ADGRG7: variants seen among roughly 807,000 people sequenced by gnomAD.
The protein encoded by ADGRG7 is G-protein coupled receptor 128.
Under a neutral mutation model 88.6 loss-of-function variants are expected in ADGRG7, and 82 were observed. That is an observed-to-expected ratio of 0.93 (90% CI 0.77 to 1.11). The LOEUF (loss-of-function observed/expected upper bound fraction) is 1.11, where lower values mean the gene tolerates loss of function less well. Among genes scored for constraint, ADGRG7 ranks in the 50% most tolerant of loss-of-function variants. The probability of loss-of-function intolerance (pLI) is 0.00; values close to 1 mark genes in which losing one functional copy is unlikely to be tolerated. For synonymous variants in ADGRG7, 381 were observed against 345.2 expected (o/e 1.10, Z -1.15); for missense variants, 945 against 953.4 (o/e 0.99, Z 0.12).
chr3:100,643,666 T>TA (rs1707686532), intron 8 of ADGRG7, 33 bp downstream of exon 8: 2 of 1,401,694 alleles, frequency 1.4e-6, no homozygotes, highest in African/African-American at 2.8e-5. Flanking sequence ...TTTAAAAAAA[T>TA]GGACTCGAAT....
intron 14 of ADGRG7, among the ~76,000 whole-genome samples, chr3:100,663,546 C>T (rs962403756): frequency 6.6e-5 from 10 of 152,032 alleles, no homozygotes; most frequent in African/African-American, 2.4e-4. Flanking sequence ...TAACTTTCTA[C>T]TGCTTGCTGA....
At chr3:100,683,571 G>A (rs554205554) in intron 15 of ADGRG7, among the ~76,000 whole-genome samples, 1 of 152,336 alleles carries the variant, frequency 6.6e-6, no homozygotes, top group East Asian at 1.9e-4. Flanking sequence ...CCCTGTGGCC[G>A]GACCCCATGC....
In ADGRG7 at chr3:100,637,262, A is replaced by G. The variant is rs973748522; in HGVS notation, c.598-40A>G. 4.8e-6 allele frequency: 6 copies of G among 1,254,640 alleles called. No individual in the cohort carries two copies. In the Middle Eastern group the frequency reaches 5.5e-4, roughly 116 times the overall value. 77.7% of individuals were successfully genotyped at this position (1,254,640 alleles called of 1,614,324 possible). A position where few individuals can be genotyped will look rare whatever the true frequency, so the allele number is the denominator to read the frequency against. Reference sequence around the variant, plus strand: ...ATAATGATGGTGATGATAATGTATGATATATGCTTCTCTGATGATCAGTAT... The same window carrying G: ...ATAATGATGGTGATGATAATGTATGGTATATGCTTCTCTGATGATCAGTAT... On this transcript the variant is annotated intron_variant, in intron 5 of 15. Coordinates refer to ENST00000273352, the MANE Select transcript of ADGRG7 (RefSeq NM_032787.3).
chr3:100,669,533 CAAAAAAAAAAA>C (rs59788369), intron 15 of ADGRG7, among the ~76,000 whole-genome samples: 2 of 66,574 alleles, frequency 3.0e-5, no homozygotes, highest in Admixed American at 2.0e-4. Flanking sequence ...GACTCCATCT[CAAAAAAAAAAA>C]AAAAAAAAAA....
chr3:100,655,034 A>G lies in ADGRG7; in HGVS notation c.1579A>G (p.Thr527Ala), dbSNP rs768770581. ...CATTAACATCCCGAATCCCATGTGCACTGCGATTGCCGCCTTACTGCACTA... is the reference window on the plus strand; with the variant it reads ...CATTAACATCCCGAATCCCATGTGCGCTGCGATTGCCGCCTTACTGCACTA... ...DTINIPNPMC[T>A]AIAALLHYFL... Residue 527 changes from threonine to alanine, a missense_variant, in exon 12 of 16, where the codon ACT becomes GCT. Coordinates refer to ENST00000273352, the MANE Select transcript of ADGRG7 (RefSeq NM_032787.3). The G allele has an allele frequency of 5.6e-6, 9 of 1,614,042 alleles. No homozygotes were observed. In the South Asian group the frequency reaches 8.8e-5, roughly 16 times the overall value.
At chr3:100,669,683 C>T (rs1361437914) in intron 15 of ADGRG7, among the ~76,000 whole-genome samples, 1 of 151,642 alleles carries the variant, frequency 6.6e-6, no homozygotes, top group Non-Finnish European at 1.5e-5. Context: ...AAGCATTTAC[C>T]CTTTCTGTTA....
Position 100,686,474 on chromosome 3 carries a change from G to A in ADGRG7, c.2137-8270G>A, listed in dbSNP as rs546849617. 3.3e-5 allele frequency among the ~76,000 whole-genome samples: 5 copies of A among 152,302 alleles called. No homozygotes were observed. In the South Asian group the frequency reaches 1.0e-3, roughly 32 times the overall value. On this transcript the variant is annotated intron_variant, in intron 15 of 15. Transcript: ENST00000273352. ...CCATGCCTATGTCCTGAACGATATT[G>A]CCTAGGTTTTCTTCTACGGTTTTTA... is the stretch of plus-strand genomic sequence containing the variant.
At chr3:100,674,157 T>C (rs2094962019) in intron 15 of ADGRG7, among the ~76,000 whole-genome samples, 1 of 152,206 alleles carries the variant, frequency 6.6e-6, no homozygotes, top group Admixed American at 6.6e-5. Context: ...TTGTTTCTGT[T>C]TTTATGCCAG....
intron 8 of ADGRG7, among the ~76,000 whole-genome samples, chr3:100,645,331 A>T (rs1196319567): frequency 2.0e-5 from 3 of 152,216 alleles, no homozygotes; most frequent in Non-Finnish European, 4.4e-5. Flanking sequence ...GATGTTTCAC[A>T]GTAGACTGCT....
At chr3:100,685,765 A>AAT (rs1256890592) in intron 15 of ADGRG7, among the ~76,000 whole-genome samples, 53 of 152,164 alleles carry the variant, frequency 3.5e-4, no homozygotes, top group African/African-American at 1.3e-3. Flanking sequence ...TTCTTCATCC[A>AAT]GTCTATCATT....
At position 100,609,943 on chromosome 3, in the gene ADGRG7, C is replaced by A; in HGVS notation, c.87C>A (p.Ile29=). 1 of 1,613,700 alleles carries A rather than the reference C, an allele frequency of 6.2e-7. No individual in the cohort carries two copies. Among genetic ancestry groups the A allele is most frequent in the Non-Finnish European group, 8.5e-7 (1 of 1,179,722 alleles). Residue 29 remains isoleucine, a synonymous_variant, in exon 1 of 16, where the codon ATC becomes ATA. Coordinates refer to ENST00000273352, the MANE Select transcript of ADGRG7 (RefSeq NM_032787.3). Reference sequence around the variant, plus strand: ...CTGGCATCATTTTGGGACTGGGCATCTGGAGGATTGTGATCAGGATCCAAA... The same window carrying A: ...CTGGCATCATTTTGGGACTGGGCATATGGAGGATTGTGATCAGGATCCAAA... ...LLTGIILGLG[I]WRIVIRIQRG... is the part of the protein sequence containing the mutation.
chr3:100,610,121 G>T (rs1707126127), intron 1 of ADGRG7, 150 bp downstream of exon 1: 2 of 602,890 alleles, frequency 3.3e-6, no homozygotes, highest in Non-Finnish European at 6.1e-6. Context: ...GACCAAGTCA[G>T]TTAAGCCTAG....
At position 100,643,301 on chromosome 3, in the gene ADGRG7, T is replaced by C; in HGVS notation, c.734T>C (p.Leu245Ser). ...IEQMETYSLS[L>S]GNQSVVEPNI... ...CAAATGGAGACTTATTCCTTGTCTT[T>C]GGGTAATCAATCAGTGGTGGAACCT... is the stretch of plus-strand genomic sequence containing the variant. Residue 245 changes from leucine to serine, a missense_variant, in exon 7 of 16, where the codon TTG (leucine) becomes TCG (serine). Leu to Ser is a moderately radical substitution (Grantham distance 145). Coordinates refer to ENST00000273352, the MANE Select transcript of ADGRG7 (RefSeq NM_032787.3). The C allele has an allele frequency of 6.8e-6, 11 of 1,613,978 alleles. No individual in the cohort carries two copies. Among genetic ancestry groups the C allele is most frequent in the Non-Finnish European group, 9.3e-6 (11 of 1,179,890 alleles).
intron 15 of ADGRG7, among the ~76,000 whole-genome samples, chr3:100,676,965 T>A (rs2094966269): frequency 6.6e-6 from 1 of 152,086 alleles, no homozygotes; most frequent in Non-Finnish European, 1.5e-5. Flanking sequence ...ATCCATTTAT[T>A]TTCAGTCTGT....
At chr3:100,636,399 A>G (rs543106450) in intron 5 of ADGRG7, among the ~76,000 whole-genome samples, 1 of 152,358 alleles carries the variant, frequency 6.6e-6, no homozygotes, top group South Asian at 2.1e-4. Context: ...TCTATTAAGA[A>G]TATTTACATT....
chr3:100,636,560 G>T (rs1707544754), intron 5 of ADGRG7, among the ~76,000 whole-genome samples: 1 of 151,980 alleles, frequency 6.6e-6, no homozygotes, highest in Non-Finnish European at 1.5e-5. Flanking sequence ...CACCAATATG[G>T]ACTCACCTTG....
intron 1 of ADGRG7, among the ~76,000 whole-genome samples, chr3:100,618,877 T>A (rs953807265): frequency 6.6e-6 from 1 of 152,168 alleles, no homozygotes; most frequent in Admixed American, 6.6e-5. Context: ...TTTGTTTGTA[T>A]CCTCTTTTAT....
chr3:100,623,188 G>A (rs1218839061), intron 1 of ADGRG7, among the ~76,000 whole-genome samples: 2 of 152,084 alleles, frequency 1.3e-5, no homozygotes, highest in Non-Finnish European at 2.9e-5. Context: ...GCCCAAAGTT[G>A]CAAATGTATT....
chr3:100,684,848 A>G (rs391847), intron 15 of ADGRG7, among the ~76,000 whole-genome samples: 2 of 152,102 alleles, frequency 1.3e-5, no homozygotes, highest in Admixed American at 6.5e-5. Flanking sequence ...GAGTAAAACA[A>G]TAGATATTGA....
Sources: allele counts gnomAD v4.1 joint callset (sites outside exome capture counted in the v4.1 genomes callset), GRCh38; gene constraint gnomAD v4.1.1; transcripts MANE v1.5; gene names NCBI Gene and HGNC (gene_info 2026-07-23, HGNC 2026-07-21).